MVB12B: variants seen among roughly 807,000 people sequenced by gnomAD.
MVB12B encodes multivesicular body subunit 12B.
MVB12B carries 16 observed loss-of-function variants against 41.6 expected under a neutral mutation model. That is an observed-to-expected ratio of 0.38 (90% CI 0.26 to 0.58). MVB12B has a LOEUF of 0.58. Ranked by LOEUF, MVB12B falls within the 20% of genes least tolerant of loss-of-function variation. MVB12B has a pLI of 0.62. For synonymous variants in MVB12B, 133 were observed against 139.7 expected, an observed-to-expected ratio of 0.95 and a Z score of 0.34; for missense variants, 274 against 380.2, an observed-to-expected ratio of 0.72 and a Z score of 2.32.
intron 2 of MVB12B, among the ~76,000 whole-genome samples, chr9:126,354,710 A>G (rs1305394887): frequency 6.6e-6 from 1 of 152,248 alleles, no homozygotes; most frequent in Non-Finnish European, 1.5e-5. Context: ...GTATACATAT[A>G]TAAATACAGA....
rs1312503090 is a variant in MVB12B, at chr9:126,392,178, T to C, written c.522T>C (p.Pro174=). The change falls in exon 5 of 10, where the codon CCT becomes CCC. Residue 174 remains proline, a synonymous_variant. Transcript: ENST00000361171. The surrounding 1 kb of genome is among the most constrained non-coding windows in gnomAD (Gnocchi z 4.8). ...TGGGCCGGACCAAGCAGGCCCCGCCTCAGTACACGTTTATTGGGTGAGTCT... is the reference window on the plus strand; with the variant it reads ...TGGGCCGGACCAAGCAGGCCCCGCCCCAGTACACGTTTATTGGGTGAGTCT... ...RIMGRTKQAP[P]QYTFIGELNS... is the part of the protein sequence containing the mutation. The C allele has an allele frequency of 1.2e-6, 2 of 1,614,168 alleles. No homozygotes were observed. The highest frequency in any genetic ancestry group is 1.1e-5 in the South Asian group (1 of 91,076).
chr9:126,379,474 G>C (rs1246644373), intron 2 of MVB12B, among the ~76,000 whole-genome samples: 2 of 152,114 alleles, frequency 1.3e-5, no homozygotes, highest in African/African-American at 2.4e-5. Context: ...GACCATTATG[G>C]GGAAAGATGC....
intron 7 of MVB12B, among the ~76,000 whole-genome samples, chr9:126,454,189 A>T (rs1416850000): frequency 6.6e-6 from 1 of 152,200 alleles, no homozygotes; most frequent in African/African-American, 2.4e-5. Context: ...TTCTGATGGA[A>T]TTCCAAAGGT....
chr9:126,404,932 A>G (rs941998369), intron 6 of MVB12B, among the ~76,000 whole-genome samples: 1 of 152,260 alleles, frequency 6.6e-6, no homozygotes, highest in African/African-American at 2.4e-5. Flanking sequence ...TTTTGGTGTC[A>G]GAGTAATTTT....
At chr9:126,361,910 GAAAAAAA>G (rs765678033) in intron 2 of MVB12B, among the ~76,000 whole-genome samples, 1 of 59,008 alleles carries the variant, frequency 1.7e-5, no homozygotes, top group Admixed American at 1.8e-4. Context: ...TGAAACTCTG[GAAAAAAA>G]AAAAAAAAAA....
intron 4 of MVB12B, among the ~76,000 whole-genome samples, chr9:126,390,963 A>AG (rs1190431379): frequency 1.3e-5 from 2 of 152,052 alleles, no homozygotes; most frequent in African/African-American, 4.8e-5. Flanking sequence ...AAAAAAAAAA[A>AG]AAAAAAGAGC....
At chr9:126,464,962 C>T (rs1833168351) in intron 7 of MVB12B, among the ~76,000 whole-genome samples, 2 of 152,210 alleles carry the variant, frequency 1.3e-5, no homozygotes, top group Admixed American at 6.5e-5. Flanking sequence ...CAGATGCTCT[C>T]GTGCCGGTAT....
At chr9:126,481,008 T>C in intron 7 of MVB12B, 1 of 258,786 alleles carries the variant, frequency 3.9e-6, no homozygotes, top group South Asian at 7.0e-5. Flanking sequence ...CCCTGCCAGC[T>C]GTGTCACCTT....
intron 7 of MVB12B, among the ~76,000 whole-genome samples, chr9:126,476,659 A>G (rs1050647967): frequency 2.0e-5 from 3 of 151,976 alleles, no homozygotes; most frequent in Admixed American, 2.0e-4. Flanking sequence ...GGCGGATCAC[A>G]AGGTCAGGAG....
At position 126,386,583 on chromosome 9, in the gene MVB12B, G is replaced by A; in HGVS notation, c.334G>A (p.Val112Ile). 1 of 1,613,776 alleles carries A rather than the reference G, an allele frequency of 6.2e-7. No homozygotes were observed. The highest frequency in any genetic ancestry group is 8.5e-7 in the Non-Finnish European group (1 of 1,179,678). Reference sequence around the variant, plus strand: ...CAAGAGTCATCTGGGGAACGTGTTAGTAGATATGAAGCTCATTGACATCAA... The same window carrying A: ...CAAGAGTCATCTGGGGAACGTGTTAATAGATATGAAGCTCATTGACATCAA... ...KENSHLGNVLVDMKLIDIKDT... is the reference protein window; with the variant it reads ...KENSHLGNVLIDMKLIDIKDT... The change falls in exon 4 of 10, where the codon GTA (valine) becomes ATA (isoleucine). Residue 112 changes from valine (V) to isoleucine (I), a missense_variant. By Grantham distance (29) the Val-to-Ile change is conservative. Coordinates refer to ENST00000361171, the MANE Select transcript of MVB12B (RefSeq NM_033446.3). The surrounding 1 kb of genome is among the most constrained non-coding windows in gnomAD (Gnocchi z 4.3).
chr9:126,360,099 C>G (rs565891495), intron 2 of MVB12B, among the ~76,000 whole-genome samples: 4 of 152,094 alleles, frequency 2.6e-5, no homozygotes, highest in Non-Finnish European at 5.9e-5. Context: ...TAGCTGCATC[C>G]CTCAAATTTT....
At chr9:126,421,785 C>A in intron 6 of MVB12B, 69 bp from the exon 7 acceptor site, 2 of 1,182,020 alleles carry the variant, frequency 1.7e-6, no homozygotes, top group Admixed American at 1.7e-5. Flanking sequence ...CTGTTGATGG[C>A]GTCAGTGCTT....
chr9:126,434,263 A>G (rs373680013), intron 7 of MVB12B, among the ~76,000 whole-genome samples: 1 of 152,062 alleles, frequency 6.6e-6, no homozygotes, highest in African/African-American at 2.4e-5. Flanking sequence ...AAAATCTTCA[A>G]TCCTGCAGCC....
intron 2 of MVB12B, among the ~76,000 whole-genome samples, chr9:126,365,003 C>T (rs1485301458): frequency 1.7e-4 from 26 of 151,532 alleles, no homozygotes; most frequent in Non-Finnish European, 2.9e-4. Flanking sequence ...CCACCTGCCT[C>T]GGCCTCCCAA....
At position 126,459,524 on chromosome 9, in the gene MVB12B, C is replaced by T. The variant is rs1356875312; in HGVS notation, c.758-21845C>T. ...CCACGAGACCCTCACCCCAGCAGCA[C>T]GCGGGCACGCAGCCCACAGCAGCAT... On this transcript the variant is annotated intron_variant, in intron 7 of 9. Coordinates refer to ENST00000361171, the MANE Select transcript of MVB12B (RefSeq NM_033446.3). This position sits in a 1 kb window ranked among gnomAD's most constrained non-coding sequence, Gnocchi z 4.3. Among the ~76,000 whole-genome samples, 3 of 152,220 alleles carry T rather than the reference C, an allele frequency of 2.0e-5. No individual in the cohort carries two copies. The highest frequency in any genetic ancestry group is 4.8e-5 in the African/African-American group (2 of 41,458).
chr9:126,407,424 T>C lies in MVB12B; in HGVS notation c.662+11727T>C, dbSNP rs146480310. On this transcript the variant is annotated intron_variant, in intron 6 of 9. Transcript: ENST00000361171. Reference sequence around the variant, plus strand: ...GGCCGGCATTTCCTGTCACGTTCAATAGGACACGTTCACTCTTCATACTTC... The same window carrying C: ...GGCCGGCATTTCCTGTCACGTTCAACAGGACACGTTCACTCTTCATACTTC... Among the ~76,000 whole-genome samples the C allele has an allele frequency of 3.3e-4, 50 of 152,306 alleles. No individual in the cohort carries two copies. The East Asian group carries it at 9.3e-3, about 28-fold the overall frequency.
intron 7 of MVB12B, among the ~76,000 whole-genome samples, chr9:126,440,551 A>G (rs555068398): frequency 1.4e-4 from 22 of 152,258 alleles, no homozygotes; most frequent in African/African-American, 5.1e-4. Flanking sequence ...CAACATCAGA[A>G]AGAAAAAAAA....
intron 2 of MVB12B, among the ~76,000 whole-genome samples, chr9:126,355,357 C>T (rs747396300): frequency 2.0e-5 from 3 of 152,214 alleles, no homozygotes; most frequent in Non-Finnish European, 4.4e-5. Context: ...ATGTGAGGCC[C>T]ACGTGCATAG....
chr9:126,412,015 T>G (rs1334460988), intron 6 of MVB12B, among the ~76,000 whole-genome samples: 1 of 152,158 alleles, frequency 6.6e-6, no homozygotes, highest in Non-Finnish European at 1.5e-5. Flanking sequence ...ATCCGATACC[T>G]GAGCATATGG....
Sources: gnomAD v4.1 joint callset for allele counts (sites outside exome capture counted in the v4.1 genomes callset) on GRCh38, gnomAD v4.1.1 for gene constraint, Gnocchi (gnomAD v3.1) non-coding constraint, MANE v1.5 for transcripts, NCBI Gene and HGNC (gene_info 2026-07-23, HGNC 2026-07-21) for gene names.